The following EML1 variants were observed in gnomAD, a reference collection of about 807,000 sequenced individuals.
EML1 encodes EMAP like 1.
Under a neutral mutation model 110.4 loss-of-function variants are expected in EML1, and 27 were observed. The ratio of observed to expected loss-of-function variants is 0.24; its 90% CI spans 0.18 to 0.34. The LOEUF (loss-of-function observed/expected upper bound fraction) is 0.34, where lower values mean the gene tolerates loss of function less well. Among genes scored for constraint, EML1 ranks in the 10% least tolerant of loss-of-function variants. EML1 has a pLI of 1.00. For synonymous variants in EML1, 344 were observed against 385.8 expected, an observed-to-expected ratio of 0.89 and a Z score of 1.27; for missense variants, 741 against 1,030.9, an observed-to-expected ratio of 0.72 and a Z score of 3.85.
rs200335786 is a variant in EML1 at position 99,909,310 on chromosome 14, G to C, written c.1105-35G>C. 1,285 of 1,614,112 alleles carry C rather than the reference G, an allele frequency of 8.0e-4. 18 individuals carry two copies. The South Asian group carries it at 0.013, about 17-fold the overall frequency. ...TACATGTCTCTTACGCGTCTTAAGA[G>C]ATGTGAGGCATCCGAGTCCCTGTTT... On this transcript the variant is annotated intron_variant, in intron 10 of 21. Coordinates refer to ENST00000262233, the MANE Select transcript of EML1 (RefSeq NM_004434.3).
At chr14:99,887,916 CTT>C (rs1157362766) in intron 4 of EML1, among the ~76,000 whole-genome samples, 9 of 152,294 alleles carry the variant, frequency 5.9e-5, no homozygotes, top group Admixed American at 5.2e-4. Context: ...ATTTTGTGGG[CTT>C]ATATGCCAAG....
intron 17 of EML1, among the ~76,000 whole-genome samples, chr14:99,928,406 G>T (rs1425534985): frequency 1.3e-5 from 2 of 151,978 alleles, no homozygotes; most frequent in African/African-American, 2.4e-5. Context: ...AGTTGTTCCA[G>T]GATCCTTGTA....
At chr14:99,852,181 A>G (rs2058821446) in intron 2 of EML1, among the ~76,000 whole-genome samples, 1 of 152,240 alleles carries the variant, frequency 6.6e-6, no homozygotes, top group African/African-American at 2.4e-5. Flanking sequence ...TCATGTCTAC[A>G]TGAACTTGCA....
At chr14:99,901,214 T>G (rs1285096454) in intron 9 of EML1, among the ~76,000 whole-genome samples, 175 bp downstream of exon 9, 2 of 152,188 alleles carry the variant, frequency 1.3e-5, no homozygotes, top group Non-Finnish European at 2.9e-5. Context: ...TATGCATGTC[T>G]CATCAGGGAC....
intron 1 of EML1, among the ~76,000 whole-genome samples, chr14:99,743,301 C>T (rs1239673859): frequency 6.6e-6 from 1 of 152,168 alleles, no homozygotes; most frequent in Non-Finnish European, 1.5e-5. Context: ...TGGAGGCCTG[C>T]CTCCTCCAGG....
chr14:99,879,856 A>C (rs1386786882), intron 4 of EML1, among the ~76,000 whole-genome samples: 1 of 152,182 alleles, frequency 6.6e-6, no homozygotes, highest in Non-Finnish European at 1.5e-5. Flanking sequence ...TTGGAAGTTG[A>C]CCTGAAATGT....
chr14:99,791,447 ACCCCAG>A (rs1023704387), upstream of EML1, among the ~76,000 whole-genome samples: 1 of 152,108 alleles, frequency 6.6e-6, no homozygotes, highest in Non-Finnish European at 1.5e-5. Flanking sequence ...TCAAGGCTGT[ACCCCAG>A]CCCCTGTCCG....
Position 99,827,812 on chromosome 14 carries a change from G to A in EML1, c.68-23041G>A, listed in dbSNP as rs2058385265. On this transcript the variant is annotated intron_variant, in intron 1 of 21. Coordinates refer to ENST00000262233, the MANE Select transcript of EML1 (RefSeq NM_004434.3). The surrounding 1 kb of genome is among the most constrained non-coding windows in gnomAD (Gnocchi z 4.4). ...TAAGCCCCCCAGTCTGTAGTACTTT[G>A]TTATGGCAGCCCTAGCAAGCTAACA... 6.6e-6 allele frequency among the ~76,000 whole-genome samples: 1 copy of A among 152,180 alleles called. No individual in the cohort carries two copies. Among genetic ancestry groups the A allele is most frequent in the African/African-American group, 2.4e-5 (1 of 41,448 alleles).
chr14:99,865,685 A>T (rs369484336), intron 3 of EML1, 39 bp downstream of exon 3: 2 of 1,601,950 alleles, frequency 1.2e-6, no homozygotes, highest in African/African-American at 2.7e-5. Flanking sequence ...CTCTCAAAGC[A>T]GTTCTCTCTT....
intron 3 of EML1, 78 bp from the exon 4 acceptor site, chr14:99,878,407 T>C: frequency 1.3e-6 from 2 of 1,517,100 alleles, no homozygotes; most frequent in Non-Finnish European, 1.8e-6. Flanking sequence ...TGACGTTCTA[T>C]GTATATATTT....
At chr14:99,831,938 A>G (rs2058463036) in intron 1 of EML1, among the ~76,000 whole-genome samples, 1 of 152,064 alleles carries the variant, frequency 6.6e-6, no homozygotes, top group African/African-American at 2.4e-5. Context: ...TAAATGAACA[A>G]TTTGATAAGT....
intron 7 of EML1, 141 bp downstream of exon 7, chr14:99,897,435 G>A: frequency 1.1e-6 from 1 of 921,038 alleles, no homozygotes; most frequent in Non-Finnish European, 1.5e-6. Context: ...GATTCCTGTT[G>A]CACAGGTGGA....
At chr14:99,805,894 C>G (rs1167900373) in intron 1 of EML1, among the ~76,000 whole-genome samples, 1 of 152,050 alleles carries the variant, frequency 6.6e-6, no homozygotes, top group Non-Finnish European at 1.5e-5. Flanking sequence ...CATTGTTGTG[C>G]AGCCATCACT....
intron 1 of EML1, among the ~76,000 whole-genome samples, chr14:99,814,488 C>T (rs1214771580): frequency 1.3e-5 from 2 of 152,060 alleles, no homozygotes; most frequent in Admixed American, 1.3e-4. Flanking sequence ...CAGTCTCAAA[C>T]TCCTGGTCTC....
chr14:99,790,917 G>A (rs2057662793), upstream of EML1, among the ~76,000 whole-genome samples: 3 of 146,598 alleles, frequency 2.0e-5, no homozygotes, highest in Non-Finnish European at 4.5e-5. Flanking sequence ...GAGTGCAGTG[G>A]TGTGATCTTG....
chr14:99,808,639 A>T (rs2058021688), intron 1 of EML1, among the ~76,000 whole-genome samples: 1 of 152,192 alleles, frequency 6.6e-6, no homozygotes, highest in Admixed American at 6.5e-5. Flanking sequence ...GTGTGTATTT[A>T]ACTCCCCAAA....
At chr14:99,900,851 G>C in intron 8 of EML1, 78 bp from the exon 9 acceptor site, 1 of 1,256,362 alleles carries the variant, frequency 8.0e-7, no homozygotes, top group Middle Eastern at 1.9e-4. Flanking sequence ...TACTGCCCAA[G>C]TAATCTTGTA....
intron 1 of EML1, among the ~76,000 whole-genome samples, chr14:99,843,205 C>T (rs1017864323): frequency 2.0e-5 from 3 of 152,070 alleles, no homozygotes; most frequent in East Asian, 1.9e-4. Flanking sequence ...GAGCTGTAAT[C>T]GCACCACTGC....
At chr14:99,879,512 A>ACT (rs1566913927) in intron 4 of EML1, among the ~76,000 whole-genome samples, 1 of 152,188 alleles carries the variant, frequency 6.6e-6, no homozygotes, top group Non-Finnish European at 1.5e-5. Context: ...CAGGCTATAA[A>ACT]ACTTCCAAGT....
Sources: gnomAD v4.1 joint callset for allele counts (sites outside exome capture counted in the v4.1 genomes callset) on GRCh38, gnomAD v4.1.1 for gene constraint, Gnocchi (gnomAD v3.1) non-coding constraint, MANE v1.5 for transcripts, NCBI Gene and HGNC (gene_info 2026-07-23, HGNC 2026-07-21) for gene names.